Variants in VPS13B observed in about 807,000 individuals in gnomAD.
VPS13B encodes vacuolar protein sorting 13 homolog B.
Under a neutral mutation model 426.4 loss-of-function variants are expected in VPS13B, and 285 were observed. The observed-to-expected ratio is 0.67, with a 90% confidence interval of 0.61 to 0.74. VPS13B has a LOEUF of 0.74. Ranked by LOEUF, VPS13B falls within the 30% of genes least tolerant of loss-of-function variation. The pLI is 0.00. For missense variants in VPS13B, 4,537 were observed against 4,782.6 expected (o/e 0.95, Z 1.51); for synonymous variants, 1,676 against 1,676.4 (o/e 1.00, Z 0.01).
rs541541235 is a variant in VPS13B, at chr8:99,417,542, C to G, written c.3083-13995C>G. Reference sequence around the variant, plus strand: ...GCTTTAGCTCATTTACTCCCCTGTTCAAATTTTTTGTTGTTGTCTATGTGA... The same window carrying G: ...GCTTTAGCTCATTTACTCCCCTGTTGAAATTTTTTGTTGTTGTCTATGTGA... On this transcript the variant is annotated intron_variant, in intron 21 of 61. Coordinates refer to ENST00000357162, the MANE Select transcript of VPS13B (RefSeq NM_152564.5). Among the ~76,000 whole-genome samples, 39 of 152,184 alleles carry G rather than the reference C, an allele frequency of 2.6e-4. No homozygotes were observed. In the South Asian group the frequency reaches 7.5e-3, roughly 29 times the overall value.
intron 17 of VPS13B, among the ~76,000 whole-genome samples, chr8:99,256,847 T>TAGCACTCTAACTTGCAATTTTCAC (rs1252536992): frequency 3.3e-5 from 5 of 152,156 alleles, no homozygotes. Flanking sequence ...TCCATTTTCA[T>TAGCACTCTAACTTGCAATTTTCAC]AGCACTCTAA....
intron 16 of VPS13B, among the ~76,000 whole-genome samples, chr8:99,182,849 G>T (rs1813017241): frequency 6.6e-6 from 1 of 152,218 alleles, no homozygotes; most frequent in African/African-American, 2.4e-5. Flanking sequence ...AGATTCCCGG[G>T]CCTCAGCCTT....
intron 51 of VPS13B, among the ~76,000 whole-genome samples, chr8:99,829,336 C>T (rs1424019661): frequency 6.6e-6 from 1 of 152,136 alleles, no homozygotes; most frequent in African/African-American, 2.4e-5. Flanking sequence ...TGCTTTATTT[C>T]ATTAAGTTGG....
At chr8:99,767,983 T>C (rs1335604830) in intron 40 of VPS13B, among the ~76,000 whole-genome samples, 1 of 152,178 alleles carries the variant, frequency 6.6e-6, no homozygotes, top group Non-Finnish European at 1.5e-5. Context: ...TTTTGCCTAC[T>C]TAACACATCC....
intron 35 of VPS13B, among the ~76,000 whole-genome samples, chr8:99,670,711 A>G (rs1453539496): frequency 6.6e-6 from 1 of 152,062 alleles, no homozygotes; most frequent in Non-Finnish European, 1.5e-5. Flanking sequence ...TTTACGTTCC[A>G]TATATAAGTG....
intron 16 of VPS13B, among the ~76,000 whole-genome samples, chr8:99,172,565 T>A (rs1453070473): frequency 6.6e-6 from 1 of 152,152 alleles, no homozygotes; most frequent in East Asian, 1.9e-4. Context: ...TTGATTGTTT[T>A]ATTACTTGAA....
intron 17 of VPS13B, among the ~76,000 whole-genome samples, chr8:99,198,487 AT>A (rs11300470): frequency 0.034 from 5,184 of 151,844 alleles, 125 homozygotes; most frequent in East Asian, 0.09. Context: ...ACTTTTCTGA[AT>A]TTATAAAATG....
chr8:99,415,514 C>T (rs990139101), intron 21 of VPS13B, among the ~76,000 whole-genome samples: 63 of 152,094 alleles, frequency 4.1e-4, no homozygotes, highest in African/African-American at 1.4e-3. Context: ...AATTTACAGC[C>T]TTTTTAGGCT....
intron 51 of VPS13B, among the ~76,000 whole-genome samples, chr8:99,828,873 G>A (rs1814882807): frequency 6.6e-6 from 1 of 152,116 alleles, no homozygotes; most frequent in Admixed American, 6.5e-5. Context: ...AGTTTGGCTG[G>A]ATATGAAATT....
intron 16 of VPS13B, among the ~76,000 whole-genome samples, chr8:99,176,165 C>G (rs1432577086): frequency 6.6e-6 from 1 of 150,630 alleles, no homozygotes; most frequent in Admixed American, 6.6e-5. Context: ...GAGACGAAGT[C>G]TTGGTCTGTT....
intron 19 of VPS13B, among the ~76,000 whole-genome samples, chr8:99,338,681 A>T (rs1811065967): frequency 6.6e-6 from 1 of 152,142 alleles, no homozygotes; most frequent in Non-Finnish European, 1.5e-5. Context: ...TGTTGCTTAT[A>T]CATGGAAGCA....
At chr8:99,647,286 C>T (rs758016503) in intron 34 of VPS13B, among the ~76,000 whole-genome samples, 49 of 151,922 alleles carry the variant, frequency 3.2e-4, no homozygotes, top group African/African-American at 9.9e-4. Context: ...CATGGCTGGG[C>T]GTGATTGGCT....
chr8:99,021,293 G>T (rs1006830317), intron 2 of VPS13B, among the ~76,000 whole-genome samples: 2 of 152,120 alleles, frequency 1.3e-5, no homozygotes, highest in African/African-American at 4.8e-5. Context: ...AATAAAGTTG[G>T]TTTTTTTGTT....
rs370425053 is a variant in VPS13B at position 99,196,237 on chromosome 8, A to G, written c.2515+3180A>G. The stretch of plus-strand genomic sequence containing the variant: ...TTTTAGTTTCTTTTATCAGTGTTTT[A>G]TACTTTTTAGTATACAGACCTTTCA... On this transcript the variant is annotated intron_variant, in intron 17 of 61. Coordinates refer to ENST00000357162, the MANE Select transcript of VPS13B (RefSeq NM_152564.5). 7.9e-5 allele frequency among the ~76,000 whole-genome samples: 12 copies of G among 151,906 alleles called. No individual in the cohort carries two copies. The East Asian group carries it at 2.1e-3, about 27-fold the overall frequency.
At chr8:99,788,126 G>A (rs1489568613) in intron 43 of VPS13B, among the ~76,000 whole-genome samples, 1 of 151,964 alleles carries the variant, frequency 6.6e-6, no homozygotes, top group Non-Finnish European at 1.5e-5. Flanking sequence ...GGAGGCTGAG[G>A]CAGGAGGATT....
intron 17 of VPS13B, among the ~76,000 whole-genome samples, chr8:99,196,365 A>G (rs775020269): frequency 2.0e-5 from 3 of 151,840 alleles, no homozygotes; most frequent in Admixed American, 6.6e-5. Flanking sequence ...GGACATGTTA[A>G]TGCATAAAAA....
chr8:99,462,014 T>G (rs1217971393), intron 23 of VPS13B, among the ~76,000 whole-genome samples: 6 of 152,142 alleles, frequency 3.9e-5, no homozygotes, highest in African/African-American at 1.4e-4. Flanking sequence ...GAATCTGCCT[T>G]ACTAGAAGCA....
At chr8:99,067,704 T>C (rs1844612499) in intron 3 of VPS13B, among the ~76,000 whole-genome samples, 1 of 152,198 alleles carries the variant, frequency 6.6e-6, no homozygotes, top group African/African-American at 2.4e-5. Flanking sequence ...CTATAAATAT[T>C]ATGCTTGCTA....
chr8:99,613,729 T>C (rs1827940601), intron 33 of VPS13B: 1 of 152,196 alleles, frequency 6.6e-6, no homozygotes, highest in African/African-American at 2.4e-5. Flanking sequence ...TTTAACGTGG[T>C]GACATGCTAT....
Sources: gnomAD v4.1 joint callset for allele counts (sites outside exome capture counted in the v4.1 genomes callset) on GRCh38, gnomAD v4.1.1 for gene constraint, MANE v1.5 for transcripts, NCBI Gene and HGNC (gene_info 2026-07-23, HGNC 2026-07-21) for gene names.